The following PLCB1 variants were observed in gnomAD, a reference collection of about 807,000 sequenced individuals.
PLCB1 encodes the protein 1-phosphatidylinositol 4,5-bisphosphate phosphodiesterase beta-1.
PLCB1 carries 46 observed loss-of-function variants against 161.8 expected under a neutral mutation model. That is an observed-to-expected ratio of 0.28 (90% CI 0.22 to 0.36). The LOEUF (loss-of-function observed/expected upper bound fraction) is 0.36, where lower values mean the gene tolerates loss of function less well. PLCB1 is among the 10% of genes least tolerant of loss of function. The probability of loss-of-function intolerance (pLI) is 1.00; values close to 1 mark genes in which losing one functional copy is unlikely to be tolerated. For synonymous variants in PLCB1, 517 were observed against 503.7 expected (o/e 1.03, Z -0.35); for missense variants, 1,016 against 1,472.5 (o/e 0.69, Z 5.07).
chr20:8,661,132 CGTT>C (rs967224699), intron 9 of PLCB1, among the ~76,000 whole-genome samples: 1 of 152,014 alleles, frequency 6.6e-6, no homozygotes, highest in African/African-American at 2.4e-5. Flanking sequence ...CCTCAGGTGT[CGTT>C]GTCCATTTTT....
At chr20:8,577,519 AACTT>A (rs1007449337) in intron 3 of PLCB1, among the ~76,000 whole-genome samples, 36 of 152,262 alleles carry the variant, frequency 2.4e-4, no homozygotes, top group African/African-American at 8.7e-4. Context: ...ATGACCTTCT[AACTT>A]AAGCAATCTT....
chr20:8,789,263 C>T (rs1983635297), intron 29 of PLCB1, among the ~76,000 whole-genome samples: 1 of 152,096 alleles, frequency 6.6e-6, no homozygotes, highest in Non-Finnish European at 1.5e-5. Context: ...CCTATATTTC[C>T]AGCTACTCAG....
chr20:8,543,533 A>C (rs557655089), intron 3 of PLCB1, among the ~76,000 whole-genome samples: 2 of 151,174 alleles, frequency 1.3e-5, no homozygotes, highest in South Asian at 4.2e-4. Context: ...ATGGAATTAC[A>C]CTCATGTATA....
chr20:8,875,680 A>T (rs918800211), intron 31 of PLCB1, among the ~76,000 whole-genome samples: 2 of 150,228 alleles, frequency 1.3e-5, no homozygotes, highest in Admixed American at 1.3e-4. Flanking sequence ...CCAGCTGCAT[A>T]TTTTTTTTTA....
At chr20:8,704,896 T>C (rs1213784665) in intron 11 of PLCB1, among the ~76,000 whole-genome samples, 1 of 151,726 alleles carries the variant, frequency 6.6e-6, no homozygotes, top group Admixed American at 6.6e-5. Flanking sequence ...TGGTGTAAGC[T>C]GCAGTCCAAG....
chr20:8,133,329 A>T (rs1043967578), intron 1 of PLCB1, among the ~76,000 whole-genome samples: 3 of 152,062 alleles, frequency 2.0e-5, no homozygotes, highest in African/African-American at 7.2e-5. Flanking sequence ...GGTCCCTGAA[A>T]AGGGCTGCGG....
At chr20:8,864,348 A>G (rs967812512) in intron 31 of PLCB1, among the ~76,000 whole-genome samples, 1 of 152,194 alleles carries the variant, frequency 6.6e-6, no homozygotes, top group Non-Finnish European at 1.5e-5. Context: ...TAATTTTCCC[A>G]TGTATATTGC....
intron 4 of PLCB1, among the ~76,000 whole-genome samples, chr20:8,643,101 T>C (rs1225271804): frequency 2.0e-5 from 3 of 152,238 alleles, no homozygotes; most frequent in Non-Finnish European, 4.4e-5. Context: ...TATTCTGTAC[T>C]GTCTTTTTAA....
In PLCB1 at chr20:8,300,027, G is replaced by A. The variant is rs565979992; in HGVS notation, c.178-71355G>A. Among the ~76,000 whole-genome samples, 3 of 152,252 alleles carry A rather than the reference G, an allele frequency of 2.0e-5. No individual in the cohort carries two copies. In the East Asian group the frequency reaches 5.8e-4, roughly 29 times the overall value. Reference sequence around the variant, plus strand: ...CATTTGTCACATTTGAGTGGGTGGGGTTCACCTTGATGACTCTACTGACCT... The same window carrying A: ...CATTTGTCACATTTGAGTGGGTGGGATTCACCTTGATGACTCTACTGACCT... On this transcript the variant is annotated intron_variant, in intron 2 of 31. Transcript: ENST00000338037.
At chr20:8,323,327 T>G (rs1177506772) in intron 2 of PLCB1, among the ~76,000 whole-genome samples, 1 of 152,148 alleles carries the variant, frequency 6.6e-6, no homozygotes, top group Non-Finnish European at 1.5e-5. Context: ...ATAACCATCA[T>G]TTGTTGTTAT....
At chr20:8,205,555 T>C (rs947105397) in intron 2 of PLCB1, among the ~76,000 whole-genome samples, 1 of 152,172 alleles carries the variant, frequency 6.6e-6, no homozygotes. Context: ...TTAGAACACA[T>C]ACAGCTCATC....
chr20:8,228,362 C>T (rs1979816042), intron 2 of PLCB1, among the ~76,000 whole-genome samples: 1 of 152,074 alleles, frequency 6.6e-6, no homozygotes, highest in Admixed American at 6.6e-5. Flanking sequence ...TTTAATTCCC[C>T]TCAAAGCTGC....
At chr20:8,343,445 G>A (rs1241981793) in intron 2 of PLCB1, among the ~76,000 whole-genome samples, 1 of 152,128 alleles carries the variant, frequency 6.6e-6, no homozygotes, top group Non-Finnish European at 1.5e-5. Flanking sequence ...TGCTGCTGAT[G>A]GTCTGGGAAC....
chr20:8,294,165 A>C (rs192299545), intron 2 of PLCB1, among the ~76,000 whole-genome samples: 4 of 152,296 alleles, frequency 2.6e-5, no homozygotes, highest in Admixed American at 2.6e-4. Flanking sequence ...TATGAACCTA[A>C]CACAATGCAA....
At chr20:8,630,342 G>T (rs377105004) in intron 4 of PLCB1, among the ~76,000 whole-genome samples, 51 of 152,050 alleles carry the variant, frequency 3.4e-4, no homozygotes, top group African/African-American at 1.2e-3. Context: ...GTGATTATTG[G>T]CAGGGATTTA....
chr20:8,351,918 T>C (rs1352027734), intron 2 of PLCB1, among the ~76,000 whole-genome samples: 1 of 152,188 alleles, frequency 6.6e-6, no homozygotes, highest in Non-Finnish European at 1.5e-5. Context: ...TAATGAAATA[T>C]AATACAGTTT....
chr20:8,795,480 T>G (rs1983971015), intron 31 of PLCB1, among the ~76,000 whole-genome samples: 1 of 152,208 alleles, frequency 6.6e-6, no homozygotes, highest in Admixed American at 6.5e-5. Flanking sequence ...TGGAGAAACA[T>G]TCGACTGCAT....
chr20:8,162,709 G>A (rs1600208766), intron 2 of PLCB1, among the ~76,000 whole-genome samples: 2 of 152,160 alleles, frequency 1.3e-5, no homozygotes, highest in East Asian at 3.9e-4. Context: ...ATTGCATCAC[G>A]GCAAACAATG....
intron 3 of PLCB1, among the ~76,000 whole-genome samples, chr20:8,496,910 C>G (rs998795516): frequency 2.0e-5 from 3 of 152,246 alleles, no homozygotes; most frequent in African/African-American, 7.2e-5. Flanking sequence ...AGATAATATC[C>G]TCACTTTACA....
Sources: gnomAD v4.1 joint callset for allele counts (sites outside exome capture counted in the v4.1 genomes callset) on GRCh38, gnomAD v4.1.1 for gene constraint, MANE v1.5 for transcripts, NCBI Gene and HGNC (gene_info 2026-07-23, HGNC 2026-07-21) for gene names.